RBFOX1: variants seen among roughly 807,000 people sequenced by gnomAD.
RBFOX1 encodes RNA binding fox-1 homolog 1.
In RBFOX1, 8 loss-of-function variants were observed where a neutral mutation model predicts 57.7. The observed-to-expected ratio is 0.14, with a 90% confidence interval of 0.08 to 0.25. The LOEUF (loss-of-function observed/expected upper bound fraction) is 0.25, where lower values mean the gene tolerates loss of function less well. RBFOX1 is among the 10% of genes least tolerant of loss of function. The probability of loss-of-function intolerance (pLI) is 1.00; values close to 1 mark genes in which losing one functional copy is unlikely to be tolerated. For synonymous variants in RBFOX1, 326 were observed against 222.4 expected (o/e 1.47, Z -4.15); for missense variants, 611 against 548.5 (o/e 1.11, Z -1.14).
At chr16:7,260,158 C>T (rs2094860851) in intron 4 of RBFOX1, among the ~76,000 whole-genome samples, 1 of 152,122 alleles carries the variant, frequency 6.6e-6, no homozygotes, top group South Asian at 2.1e-4. Context: ...CACTTTTATA[C>T]AGAAATCAAA....
chr16:7,672,144 C>G (rs1433067950), intron 13 of RBFOX1, among the ~76,000 whole-genome samples: 2 of 152,184 alleles, frequency 1.3e-5, no homozygotes, highest in Non-Finnish European at 2.9e-5. Context: ...AAATTTATTT[C>G]AAGCCTGTTG....
At chr16:6,531,986 A>G (rs905108680) in intron 2 of RBFOX1, among the ~76,000 whole-genome samples, 2 of 152,200 alleles carry the variant, frequency 1.3e-5, no homozygotes, top group African/African-American at 2.4e-5. Context: ...CAGTGTTGGT[A>G]GCATGACAGG....
At chr16:6,188,343 A>G (rs377312295) in intron 1 of RBFOX1, among the ~76,000 whole-genome samples, 3 of 151,040 alleles carry the variant, frequency 2.0e-5, no homozygotes, top group Admixed American at 6.6e-5. Flanking sequence ...AAAAAAAAAA[A>G]TTTTCTCCAG....
intron 3 of RBFOX1, among the ~76,000 whole-genome samples, chr16:5,807,928 C>G (rs1051614896): frequency 2.6e-5 from 4 of 152,164 alleles, no homozygotes; most frequent in Admixed American, 2.6e-4. Context: ...ACAGAACCAC[C>G]ATAAACCTTG....
intron 1 of RBFOX1, among the ~76,000 whole-genome samples, chr16:5,466,774 C>T (rs1359492078): frequency 1.3e-5 from 2 of 152,250 alleles, no homozygotes; most frequent in East Asian, 3.9e-4. Flanking sequence ...ATTGTCCCTG[C>T]CCCAGGGAGT....
At chr16:6,394,994 G>A (rs1301749325) in intron 2 of RBFOX1, among the ~76,000 whole-genome samples, 2 of 152,202 alleles carry the variant, frequency 1.3e-5, no homozygotes, top group East Asian at 1.9e-4. Context: ...GTACAGATAG[G>A]AAAATGATAA....
intron 4 of RBFOX1, among the ~76,000 whole-genome samples, chr16:7,432,005 G>A (rs913633202): frequency 6.6e-6 from 1 of 152,214 alleles, no homozygotes; most frequent in Admixed American, 6.5e-5. Flanking sequence ...GTGGCACCTA[G>A]AAGGTCCGCT....
chr16:7,244,669 A>G (rs1567868383), intron 4 of RBFOX1, among the ~76,000 whole-genome samples: 1 of 152,204 alleles, frequency 6.6e-6, no homozygotes, highest in Non-Finnish European at 1.5e-5. Flanking sequence ...AATGTATGGT[A>G]TGCAACTTGT....
chr16:5,575,907 C>T (rs953158297), intron 2 of RBFOX1, among the ~76,000 whole-genome samples: 21 of 151,464 alleles, frequency 1.4e-4, no homozygotes, highest in Admixed American at 6.6e-4. Flanking sequence ...AAATGGGTCA[C>T]GCATGTTTGC....
chr16:7,421,078 TG>T (rs1256294123), intron 4 of RBFOX1, among the ~76,000 whole-genome samples: 1 of 152,012 alleles, frequency 6.6e-6, no homozygotes, highest in East Asian at 1.9e-4. Flanking sequence ...TGCAGTCTTG[TG>T]GCGGTGTCAT....
At chr16:5,867,540 G>C (rs1170251443) in intron 4 of RBFOX1, among the ~76,000 whole-genome samples, 1 of 152,068 alleles carries the variant, frequency 6.6e-6, no homozygotes, top group Admixed American at 6.6e-5. Context: ...GAGTGTGCGT[G>C]GTAAAGATGG....
intron 1 of RBFOX1, among the ~76,000 whole-genome samples, chr16:5,391,574 G>C (rs2066408289): frequency 1.3e-5 from 2 of 152,028 alleles, no homozygotes; most frequent in African/African-American, 4.8e-5. Context: ...GCCAGTTCTG[G>C]AAGCCAAGGC....
At chr16:7,160,732 T>C (rs1202726122) in intron 4 of RBFOX1, among the ~76,000 whole-genome samples, 9 of 152,064 alleles carry the variant, frequency 5.9e-5, no homozygotes, top group Admixed American at 3.3e-4. Context: ...AGGCAGTTTC[T>C]TAACATAGGT....
Position 6,980,284 on chromosome 16 carries a change from TATG to T in RBFOX1, c.-15-71770_-15-71768del, listed in dbSNP as rs1411602203. On this transcript the variant is annotated intron_variant, in intron 3 of 15. Coordinates refer to ENST00000550418, the MANE Select transcript of RBFOX1 (RefSeq NM_018723.4). ...TGTGTCAGGTGTGAGTGTGTGCGTTTATGATATGAACAATAGTTCTTCCGTTAA... is the reference window on the plus strand; with the variant it reads ...TGTGTCAGGTGTGAGTGTGTGCGTTTATATGAACAATAGTTCTTCCGTTAA... Among the ~76,000 whole-genome samples, 4 of 152,258 alleles carry T rather than the reference TATG, an allele frequency of 2.6e-5. No homozygotes were observed. The East Asian group carries it at 5.8e-4, about 22-fold the overall frequency.
intron 3 of RBFOX1, among the ~76,000 whole-genome samples, chr16:7,020,826 A>G (rs1042895137): frequency 6.6e-6 from 1 of 152,138 alleles, no homozygotes; most frequent in African/African-American, 2.4e-5. Flanking sequence ...TTAAGTGAGC[A>G]CTTAAGAATT....
intron 1 of RBFOX1, among the ~76,000 whole-genome samples, chr16:6,157,171 T>G (rs1248751851): frequency 6.6e-6 from 1 of 152,032 alleles, no homozygotes; most frequent in African/African-American, 2.4e-5. Flanking sequence ...TTATAAAAAT[T>G]TATTTTTATG....
At chr16:6,865,215 C>T (rs951838583) in intron 3 of RBFOX1, among the ~76,000 whole-genome samples, 1 of 151,862 alleles carries the variant, frequency 6.6e-6, no homozygotes, top group Non-Finnish European at 1.5e-5. Flanking sequence ...GTTGGCCAGG[C>T]TGGTCTCGAA....
At chr16:6,876,860 G>T (rs2061943709) in intron 3 of RBFOX1, among the ~76,000 whole-genome samples, 1 of 152,110 alleles carries the variant, frequency 6.6e-6, no homozygotes, top group East Asian at 1.9e-4. Context: ...AGTGGGATTG[G>T]CATTCATCAT....
intron 11 of RBFOX1, among the ~76,000 whole-genome samples, chr16:7,651,907 G>A (rs986121856): frequency 3.9e-5 from 6 of 152,194 alleles, no homozygotes; most frequent in African/African-American, 1.4e-4. Context: ...TGGGACAAGC[G>A]TAGTGAGTAT....
Sources: gnomAD v4.1 joint callset for allele counts (sites outside exome capture counted in the v4.1 genomes callset) on GRCh38, gnomAD v4.1.1 for gene constraint, MANE v1.5 for transcripts, NCBI Gene and HGNC (gene_info 2026-07-23, HGNC 2026-07-21) for gene names.